MED25: variants seen among roughly 807,000 people sequenced by gnomAD.
MED25 encodes the protein mediator of RNA polymerase II transcription subunit 25.
In MED25, 62 loss-of-function variants were observed where a neutral mutation model predicts 89.4. The ratio of observed to expected loss-of-function variants is 0.69; its 90% confidence interval spans 0.57 to 0.86. MED25 has a LOEUF of 0.86. Ranked by LOEUF, MED25 falls within the 40% of genes least tolerant of loss-of-function variation. The pLI is 0.00. For missense variants in MED25, 905 were observed against 1,005.2 expected, an observed-to-expected ratio of 0.90 and a Z score of 1.35; for synonymous variants, 449 against 427.9, an observed-to-expected ratio of 1.05 and a Z score of -0.61.
chr19:49,836,103 TC>T lies in MED25; in HGVS notation c.1966-118del. On this transcript the variant is annotated intron_variant, in intron 16 of 17. Coordinates refer to ENST00000312865, the MANE Select transcript of MED25 (RefSeq NM_030973.4). This position sits in a 1 kb window ranked among gnomAD's most constrained non-coding sequence, Gnocchi z 5.1. ...AGGCAGACCGCCTCCTCTCCGTCCA[TC>T]CCCCACCTTTGAAGAAAAACTTCCC... 2 of 1,508,844 alleles carry T rather than the reference TC, an allele frequency of 1.3e-6. No individual in the cohort carries two copies. Among genetic ancestry groups the T allele is most frequent in the Non-Finnish European group, 1.8e-6 (2 of 1,108,218 alleles). The allele number at this position is 1,508,844 out of a possible 1,614,324, so 93.5% of individuals were successfully genotyped here.
intron 3 of MED25, among the ~76,000 whole-genome samples, chr19:49,825,094 G>A (rs1021574549): frequency 6.6e-6 from 1 of 152,150 alleles, no homozygotes. Flanking sequence ...TGCTTCTTCT[G>A]TTCAAGTTTT....
rs757474362 is a variant in MED25, at chr19:49,836,479, C to T, written c.2146+73C>T. 32 of 1,496,186 alleles carry T rather than the reference C, an allele frequency of 2.1e-5. No individual in the cohort carries two copies. Among genetic ancestry groups the T allele is most frequent in the Middle Eastern group, 1.7e-4 (1 of 5,938 alleles). The allele number at this position is 1,496,186 out of a possible 1,614,324, so 92.7% of individuals were successfully genotyped here. A position where few individuals can be genotyped will look rare whatever the true frequency, so the allele number is the denominator to read the frequency against. On this transcript the variant is annotated intron_variant, in intron 17 of 17. Transcript: ENST00000312865. This position sits in a 1 kb window ranked among gnomAD's most constrained non-coding sequence, Gnocchi z 5.1. ...AGCTCCTGGGCTAGAGCACCAAGAC[C>T]GAGTGCTCCTGGGAAGTAAAGACAT...
intron 3 of MED25, among the ~76,000 whole-genome samples, chr19:49,826,928 G>A (rs548448415): frequency 7.9e-5 from 12 of 152,330 alleles, no homozygotes; most frequent in Admixed American, 2.0e-4. Context: ...ATGCCGGGCC[G>A]AGGGCCTGGG....
Position 49,831,019 on chromosome 19 carries a change from G to A in MED25, c.1101+132G>A, listed in dbSNP as rs2074052952. On this transcript the variant is annotated intron_variant, in intron 9 of 17. Coordinates refer to ENST00000312865, the MANE Select transcript of MED25 (RefSeq NM_030973.4). This position sits in a 1 kb window ranked among gnomAD's most constrained non-coding sequence, Gnocchi z 5.0. Reference sequence around the variant, plus strand: ...TTCTGGGGCTTTGGGGGCTCGTGGTGTGTGTGCTGCAGATGCCTGAGATGA... The same window carrying A: ...TTCTGGGGCTTTGGGGGCTCGTGGTATGTGTGCTGCAGATGCCTGAGATGA... 12 of 1,048,398 alleles carry A rather than the reference G, an allele frequency of 1.1e-5. No homozygotes were observed. The South Asian group carries it at 1.2e-4, about 10-fold the overall frequency. The allele number at this position is 1,048,398 out of a possible 1,614,324, so 64.9% of individuals were successfully genotyped here.
At chr19:49,832,641 T>C (rs2074067062) in intron 13 of MED25, among the ~76,000 whole-genome samples, 1 of 152,168 alleles carries the variant, frequency 6.6e-6, no homozygotes, top group Admixed American at 6.5e-5. Context: ...GTGAGCTGGA[T>C]GTGACAGGAT....
In MED25 at chr19:49,836,626, T is replaced by C. The variant is rs922031975; in HGVS notation, c.2146+220T>C. ...GCGTTTCCCATGATCCTCCTGTGTG[T>C]GCTCCTGGGATTGCTGGGAAATGTG... On this transcript the variant is annotated intron_variant, in intron 17 of 17. Coordinates refer to ENST00000312865, the MANE Select transcript of MED25 (RefSeq NM_030973.4). This position sits in a 1 kb window ranked among gnomAD's most constrained non-coding sequence, Gnocchi z 5.1. 17 of 744,932 alleles carry C rather than the reference T, an allele frequency of 2.3e-5. No individual in the cohort carries two copies. In the African/African-American group the frequency reaches 2.9e-4, roughly 13 times the overall value. 46.1% of individuals were successfully genotyped at this position (744,932 alleles called of 1,614,324 possible).
At chr19:49,827,279 G>A (rs953696097) in intron 3 of MED25, among the ~76,000 whole-genome samples, 1 of 152,222 alleles carries the variant, frequency 6.6e-6, no homozygotes, top group African/African-American at 2.4e-5. Context: ...ATGCTGCGAC[G>A]CGACTGCAGA....
In MED25 at chr19:49,830,904, C is replaced by T. The variant is rs1271776753; in HGVS notation, c.1101+17C>T. ...CCGTCCATGGTAGGTGCCTGCACGC[C>T]TCCTGCCCCTGCTCCTTCCTCCTGC... is the stretch of plus-strand genomic sequence containing the variant. On this transcript the variant is annotated intron_variant, in intron 9 of 17. Coordinates refer to ENST00000312865, the MANE Select transcript of MED25 (RefSeq NM_030973.4). The surrounding 1 kb of genome is among the most constrained non-coding windows in gnomAD (Gnocchi z 4.6). 6.2e-7 allele frequency: 1 copy of T among 1,604,648 alleles called. No homozygotes were observed. Among genetic ancestry groups the T allele is most frequent in the South Asian group, 1.1e-5 (1 of 91,026 alleles).
chr19:49,835,015 G>A lies in MED25; in HGVS notation c.1512G>A (p.Ala504=), dbSNP rs370554586. The part of the protein sequence containing the change: ...FAGCVHFPHT[A]PCEVRVLMLL... ...GCTGCGTGCACTTCCCCCACACGGC[G>A]CCCTGTGAGGTGCGCGTGCTCATGC... The change falls in exon 14 of 18, where the codon GCG becomes GCA. Residue 504 remains alanine, a synonymous_variant. Transcript: ENST00000312865. The surrounding 1 kb of genome is among the most constrained non-coding windows in gnomAD (Gnocchi z 6.2). 35 of 1,613,930 alleles carry A rather than the reference G, an allele frequency of 2.2e-5. No homozygotes were observed. In the African/African-American group the frequency reaches 2.5e-4, roughly 12 times the overall value.
chr19:49,838,841 C>T (rs1474998347), downstream of MED25: 5 of 435,316 alleles, frequency 1.1e-5, no homozygotes, highest in African/African-American at 6.1e-5. Context: ...TTTTGAAAAG[C>T]GAATTAACAG....
chr19:49,830,039 G>C lies in MED25; in HGVS notation c.689-49G>C. The C allele has an allele frequency of 6.3e-7, 1 of 1,597,830 alleles. No homozygotes were observed. Among genetic ancestry groups the C allele is most frequent in the Admixed American group, 1.7e-5 (1 of 59,494 alleles). On this transcript the variant is annotated intron_variant, in intron 6 of 17. Coordinates refer to ENST00000312865, the MANE Select transcript of MED25 (RefSeq NM_030973.4). This position sits in a 1 kb window ranked among gnomAD's most constrained non-coding sequence, Gnocchi z 4.6. ...GATTTTGGATTTCTCTCCTTTCTCT[G>C]CATCTTGAATCCCTTCTCTCTGGGG... is the stretch of plus-strand genomic sequence containing the variant.
At chr19:49,820,379 G>C (rs1307021755) in intron 3 of MED25, among the ~76,000 whole-genome samples, 2 of 152,252 alleles carry the variant, frequency 1.3e-5, no homozygotes, top group Non-Finnish European at 2.9e-5. Context: ...ACTCAGGATT[G>C]CACATAACCG....
intron 13 of MED25, 46 bp downstream of exon 13, chr19:49,832,461 G>C (rs45572936): frequency 1.8e-6 from 2 of 1,141,148 alleles, no homozygotes; most frequent in Non-Finnish European, 2.6e-6. Context: ...CTCTTGTCCT[G>C]CTTTCTGCTG....
chr19:49,818,640 T>A, intron 2 of MED25, 24 bp downstream of exon 2: 1 of 1,606,032 alleles, frequency 6.2e-7, no homozygotes, highest in East Asian at 2.2e-5. Flanking sequence ...CTCCTGGGCC[T>A]GAGGGAGGAG....
chr19:49,828,632 G>T (rs918688238), intron 4 of MED25, 85 bp downstream of exon 4: 4 of 1,154,378 alleles, frequency 3.5e-6, no homozygotes, highest in Middle Eastern at 3.9e-4. Flanking sequence ...TCTACCTCCA[G>T]CCTCACCCTG....
rs2073953761 is a variant in MED25, at chr19:49,818,417, G to A, written c.76G>A (p.Ala26Thr). 1 of 1,613,894 alleles carries A rather than the reference G, an allele frequency of 6.2e-7. No homozygotes were observed. Among genetic ancestry groups the A allele is most frequent in the Non-Finnish European group, 8.5e-7 (1 of 1,179,994 alleles). ...CGTGGTGTTTGTGATTGAGGGTACG[G>A]CCAACCTGGGACCCTACTTCGAGGG... ...ADVVFVIEGT[A>T]NLGPYFEGLR... The change falls in exon 1 of 18, where the codon GCC (alanine) becomes ACC (threonine). Residue 26 changes from alanine to threonine, a missense_variant. This residue lies in a region of MED25 where 501 missense variants were observed against 526.9 expected (regional missense o/e 0.95). Coordinates refer to ENST00000312865, the MANE Select transcript of MED25 (RefSeq NM_030973.4).
chr19:49,834,838 C>T lies in MED25; in HGVS notation c.1483-148C>T, dbSNP rs1047490860. Reference sequence around the variant, plus strand: ...CTCAGTTTCTGTCTCCAGAGCAACCCATAGCACACCTGTTCTCCTTAACCT... The same window carrying T: ...CTCAGTTTCTGTCTCCAGAGCAACCTATAGCACACCTGTTCTCCTTAACCT... On this transcript the variant is annotated intron_variant, in intron 13 of 17. Coordinates refer to ENST00000312865, the MANE Select transcript of MED25 (RefSeq NM_030973.4). The surrounding 1 kb of genome is among the most constrained non-coding windows in gnomAD (Gnocchi z 4.1). The T allele has an allele frequency of 5.0e-6, 4 of 799,910 alleles. No homozygotes were observed. Among genetic ancestry groups the T allele is most frequent in the Non-Finnish European group, 8.4e-6 (4 of 477,164 alleles). 49.6% of individuals were successfully genotyped at this position (799,910 alleles called of 1,614,324 possible).
Position 49,818,322 on chromosome 19 carries a change from T to C in MED25, c.-20T>C, listed in dbSNP as rs2073952025. The C allele has an allele frequency of 1.9e-6, 3 of 1,566,562 alleles. No homozygotes were observed. Among genetic ancestry groups the C allele is most frequent in the Non-Finnish European group, 2.6e-6 (3 of 1,154,406 alleles). Reference sequence around the variant, plus strand: ...GCGTCGGCTGCGGCTGCAGTGGTGGTGGCGGGTACCGCACGGGGTATGGTC... The same window carrying C: ...GCGTCGGCTGCGGCTGCAGTGGTGGCGGCGGGTACCGCACGGGGTATGGTC... On this transcript the variant is annotated 5_prime_UTR_variant, in exon 1 of 18. Transcript: ENST00000312865.
chr19:49,823,931 C>G (rs931868610), intron 3 of MED25, among the ~76,000 whole-genome samples: 1 of 151,994 alleles, frequency 6.6e-6, no homozygotes, highest in African/African-American at 2.4e-5. Context: ...GTGTGACAAC[C>G]AAAAATGTCT....
Sources: allele counts gnomAD v4.1 joint callset (sites outside exome capture counted in the v4.1 genomes callset), GRCh38; gene constraint gnomAD v4.1.1; regional missense constraint gnomAD v4.1.1; non-coding constraint Gnocchi (gnomAD v3.1); transcripts MANE v1.5; gene names NCBI Gene and HGNC (gene_info 2026-07-23, HGNC 2026-07-21).